Variants in KICS2 observed in about 807,000 individuals in gnomAD.
The protein encoded by KICS2 is KICSTOR complex protein C12orf66.
Under a neutral mutation model 31.4 loss-of-function variants are expected in KICS2, and 13 were observed. That is an observed-to-expected ratio of 0.41 (90% confidence interval 0.27 to 0.66). The LOEUF (loss-of-function observed/expected upper bound fraction) is 0.66. KICS2 is among the 30% of genes least tolerant of loss of function. The pLI is 0.28. For synonymous variants in KICS2, 209 were observed against 214.8 expected, an observed-to-expected ratio of 0.97 and a Z score of 0.24; for missense variants, 455 against 545.4, an observed-to-expected ratio of 0.83 and a Z score of 1.65.
intron 2 of KICS2, among the ~76,000 whole-genome samples, chr12:64,212,097 G>A (rs573594028): frequency 8.3e-4 from 127 of 152,152 alleles, no homozygotes; most frequent in Non-Finnish European, 1.4e-3. Flanking sequence ...AACAATTTGT[G>A]AATAAAGGTG....
chr12:64,218,183 A>T (rs2037647721), intron 1 of KICS2, among the ~76,000 whole-genome samples: 1 of 152,224 alleles, frequency 6.6e-6, no homozygotes, highest in Admixed American at 6.5e-5. Context: ...GCCCATATTC[A>T]GTTTAGCTCT....
rs541820361 is a variant in KICS2, at chr12:64,193,246, C to T, written c.*596G>A. The T allele has an allele frequency of 1.9e-5, 19 of 985,822 alleles. No homozygotes were observed. In the African/African-American group the frequency reaches 2.8e-4, roughly 14 times the overall value. The allele number at this position is 985,822 out of a possible 1,614,324, so 61.1% of individuals were successfully genotyped here. A position where few individuals can be genotyped will look rare whatever the true frequency, so the allele number is the denominator to read the frequency against. On this transcript the variant is annotated 3_prime_UTR_variant, in exon 3 of 3. Transcript: ENST00000398055. Reference sequence around the variant, plus strand: ...ATGAGGATCTTCTGAACTGTTAAAACCTTACGTCATGCTACCAATCTGACT... The same window carrying T: ...ATGAGGATCTTCTGAACTGTTAAAATCTTACGTCATGCTACCAATCTGACT...
At position 64,192,046 on chromosome 12, in the gene KICS2, A is replaced by C. The variant is rs1299174024; in HGVS notation, c.*1796T>G. ...GGAAAACAGACAAGACCCTGTCTCAAAAAAAAAAAAAAAAAAAAAGGAAAA... is the reference window on the plus strand; with the variant it reads ...GGAAAACAGACAAGACCCTGTCTCACAAAAAAAAAAAAAAAAAAAGGAAAA... On this transcript the variant is annotated 3_prime_UTR_variant, in exon 3 of 3. Transcript: ENST00000398055. The C allele has an allele frequency of 7.5e-6, 1 of 133,790 alleles. No homozygotes were observed. The highest frequency in any genetic ancestry group is 1.5e-5 in the Non-Finnish European group (1 of 65,154). 8.3% of individuals were successfully genotyped at this position (133,790 alleles called of 1,614,324 possible).
chr12:64,186,632 TA>T (rs922876209), downstream of KICS2: 1 of 152,204 alleles, frequency 6.6e-6, no homozygotes, highest in Non-Finnish European at 1.5e-5. Flanking sequence ...GATATTCTTT[TA>T]AAAAATCAAT....
chr12:64,197,483 C>T (rs1212243572), intron 2 of KICS2, among the ~76,000 whole-genome samples: 1 of 151,226 alleles, frequency 6.6e-6, no homozygotes, highest in Non-Finnish European at 1.5e-5. Flanking sequence ...CCAGTACCAG[C>T]CGCTGCAAAA....
Position 64,191,612 on chromosome 12 carries a change from G to C in KICS2, c.*2230C>G, listed in dbSNP as rs2037379283. On this transcript the variant is annotated 3_prime_UTR_variant, in exon 3 of 3. Transcript: ENST00000398055. ...GCAGAACACAATAGAGAGGAAAAGTGATTTGACTTTTTAGCTCCAATTGCT... is the reference window on the plus strand; with the variant it reads ...GCAGAACACAATAGAGAGGAAAAGTCATTTGACTTTTTAGCTCCAATTGCT... 1 of 152,248 alleles carries C rather than the reference G, an allele frequency of 6.6e-6. No individual in the cohort carries two copies. Among genetic ancestry groups the C allele is most frequent in the Admixed American group, 6.5e-5 (1 of 15,294 alleles). The allele number at this position is 152,248 out of a possible 1,614,324, so 9.4% of individuals were successfully genotyped here.
At chr12:64,188,431 C>T (rs61931229), downstream of KICS2, among the ~76,000 whole-genome samples, 13,719 of 151,334 alleles carry the variant, frequency 0.091, 790 homozygotes, top group South Asian at 0.14. Context: ...GGCTGAGGCA[C>T]GAGAATTGCT....
chr12:64,207,063 G>A (rs1225398207), intron 2 of KICS2, among the ~76,000 whole-genome samples: 1 of 152,068 alleles, frequency 6.6e-6, no homozygotes, highest in Admixed American at 6.6e-5. Flanking sequence ...CCAGCACTTT[G>A]GGAGGCTGAG....
At chr12:64,210,733 C>A (rs140120584) in intron 2 of KICS2, among the ~76,000 whole-genome samples, 17 of 152,134 alleles carry the variant, frequency 1.1e-4, no homozygotes, top group African/African-American at 4.1e-4. Context: ...GCCGAGAGAG[C>A]GCCACTGAAC....
chr12:64,191,340 T>C lies in KICS2; in HGVS notation c.*2502A>G, dbSNP rs905624166. The C allele has an allele frequency of 1.1e-4, 16 of 152,240 alleles. No homozygotes were observed. Among genetic ancestry groups the C allele is most frequent in the African/African-American group, 3.9e-4 (16 of 41,468 alleles). 9.4% of individuals were successfully genotyped at this position (152,240 alleles called of 1,614,324 possible). A position where few individuals can be genotyped will look rare whatever the true frequency, so the allele number is the denominator to read the frequency against. On this transcript the variant is annotated 3_prime_UTR_variant, in exon 3 of 3. Coordinates refer to ENST00000398055, the MANE Select transcript of KICS2 (RefSeq NM_152440.5). ...GTCTTAGATTTTCTTAATATTCACA[T>C]CTGCCTTCTGTTCTTTGAAATTCTT...
chr12:64,203,011 T>C (rs900301710), intron 2 of KICS2, among the ~76,000 whole-genome samples: 11 of 152,116 alleles, frequency 7.2e-5, no homozygotes, highest in African/African-American at 1.9e-4. Context: ...TCCCCAGTTA[T>C]ATCCTCTCAT....
rs79069626 is a variant in KICS2, at chr12:64,193,821, C to A, written c.*21G>T. 852 of 1,595,382 alleles carry A rather than the reference C, an allele frequency of 5.3e-4. 25 individuals are homozygous for A. The East Asian group carries it at 0.019, about 35-fold the overall frequency. ...TTAAGAACAGTTTCTAGTCTTGAAA[C>A]CCCTCCACGCAAATCACCTGCTAAC... is the stretch of plus-strand genomic sequence containing the variant. On this transcript the variant is annotated 3_prime_UTR_variant, in exon 3 of 3. Coordinates refer to ENST00000398055, the MANE Select transcript of KICS2 (RefSeq NM_152440.5).
intron 1 of KICS2, 29 bp from the exon 2 acceptor site, chr12:64,215,992 C>G: frequency 6.3e-7 from 1 of 1,583,508 alleles, no homozygotes; most frequent in Non-Finnish European, 8.6e-7. Context: ...AAGCACATGA[C>G]AAGTAAGAAG....
In KICS2 at chr12:64,221,768, C is replaced by T. The variant is rs2037685661; in HGVS notation, c.235+235G>A. The T allele has an allele frequency of 2.0e-5, 12 of 600,494 alleles. No homozygotes were observed. In the South Asian group the frequency reaches 2.5e-4, roughly 12 times the overall value. 37.2% of individuals were successfully genotyped at this position (600,494 alleles called of 1,614,324 possible). A position where few individuals can be genotyped will look rare whatever the true frequency, so the allele number is the denominator to read the frequency against. On this transcript the variant is annotated intron_variant, in intron 1 of 2. Coordinates refer to ENST00000398055, the MANE Select transcript of KICS2 (RefSeq NM_152440.5). ...AAAGGGCAAACCCTTCGGTTTGGGT[C>T]ACAGCCCTGCAAAGAGCATCTACCC... is the stretch of plus-strand genomic sequence containing the variant.
At chr12:64,189,778 C>G (rs910304557), downstream of KICS2, among the ~76,000 whole-genome samples, 11 of 152,044 alleles carry the variant, frequency 7.2e-5, no homozygotes, top group Middle Eastern at 3.4e-3. Context: ...GGAGATAAAG[C>G]AGGAAACTTC....
chr12:64,188,195 A>T (rs1201772897), downstream of KICS2, among the ~76,000 whole-genome samples: 1 of 152,222 alleles, frequency 6.6e-6, no homozygotes, highest in African/African-American at 2.4e-5. Flanking sequence ...AGGTGGCTAA[A>T]GCAGAAGCTA....
downstream of KICS2, chr12:64,186,405 A>C (rs2037339696): frequency 6.6e-6 from 1 of 152,216 alleles, no homozygotes; most frequent in African/African-American, 2.4e-5. Flanking sequence ...GAAGAAGAAG[A>C]ATGGAGTTCA....
At chr12:64,216,596 C>G (rs1379929867) in intron 1 of KICS2, among the ~76,000 whole-genome samples, 1 of 152,138 alleles carries the variant, frequency 6.6e-6, no homozygotes, top group African/African-American at 2.4e-5. Flanking sequence ...GCACTCTTGA[C>G]AAGGTTGACA....
In KICS2 at chr12:64,194,435, C is replaced by T. The variant is rs759204574; in HGVS notation, c.745G>A (p.Val249Met). 9.9e-6 allele frequency: 16 copies of T among 1,614,074 alleles called. 1 individual carries two copies. In the East Asian group the frequency reaches 2.4e-4, roughly 25 times the overall value. Reference protein sequence around the residue: ...HLFGGQSQKAVQPPHLFLWLM... With the variant: ...HLFGGQSQKAMQPPHLFLWLM... ...CAAAGGAAAAGGTGTGGAGGCTGCA[C>T]GGCCTTCTGAGACTGCCCTCCAAAC... is the stretch of plus-strand genomic sequence containing the variant. The change falls in exon 3 of 3, where the codon GTG becomes ATG. Residue 249 changes from valine to methionine, a missense_variant. Transcript: ENST00000398055.
Sources: gnomAD v4.1 joint callset for allele counts (sites outside exome capture counted in the v4.1 genomes callset) on GRCh38, gnomAD v4.1.1 for gene constraint, MANE v1.5 for transcripts, NCBI Gene and HGNC (gene_info 2026-07-23, HGNC 2026-07-21) for gene names.